NPAS3: variants seen among roughly 807,000 people sequenced by gnomAD.
NPAS3 encodes the protein neuronal PAS domain protein 3, also known as neuronal PAS domain-containing protein 3.
A neutral mutation model predicts 73.1 loss-of-function variants in NPAS3; 14 were observed. That is an observed-to-expected ratio of 0.19 (90% CI 0.13 to 0.30). The LOEUF (loss-of-function observed/expected upper bound fraction) is 0.30, where lower values mean the gene tolerates loss of function less well. Among genes scored for constraint, NPAS3 ranks in the 10% least tolerant of loss-of-function variants. The pLI is 1.00. For synonymous variants in NPAS3, 620 were observed against 541.5 expected (o/e 1.14, Z -2.01); for missense variants, 1,096 against 1,250.0 (o/e 0.88, Z 1.86).
At chr14:32,959,248 G>C (rs1471055218) in intron 1 of NPAS3, among the ~76,000 whole-genome samples, 3 of 152,082 alleles carry the variant, frequency 2.0e-5, no homozygotes, top group Non-Finnish European at 4.4e-5. Context: ...TGAAACCTTT[G>C]CTTTGCTTCT....
intron 6 of NPAS3, among the ~76,000 whole-genome samples, chr14:33,713,772 GTCA>G (rs976069594): frequency 6.6e-6 from 1 of 152,294 alleles, no homozygotes; most frequent in Non-Finnish European, 1.5e-5. Flanking sequence ...TGGGGCCTTT[GTCA>G]TCATATTTAG....
At chr14:33,009,424 G>A (rs1473868090) in intron 1 of NPAS3, among the ~76,000 whole-genome samples, 1 of 152,116 alleles carries the variant, frequency 6.6e-6, no homozygotes. Flanking sequence ...AAGATGGAAA[G>A]GCTGATTTCA....
intron 1 of NPAS3, among the ~76,000 whole-genome samples, chr14:32,952,889 A>T (rs1379535290): frequency 6.6e-6 from 1 of 152,018 alleles, no homozygotes; most frequent in Non-Finnish European, 1.5e-5. Context: ...CCTGGGCAAC[A>T]TGGTGAGACC....
chr14:33,667,478 T>A (rs2059485667), intron 5 of NPAS3, among the ~76,000 whole-genome samples: 1 of 152,216 alleles, frequency 6.6e-6, no homozygotes, highest in East Asian at 1.9e-4. Flanking sequence ...GAGCCATTTC[T>A]TTTGACCCAT....
chr14:33,481,621 A>G (rs190319961), intron 4 of NPAS3, among the ~76,000 whole-genome samples: 14 of 152,298 alleles, frequency 9.2e-5, no homozygotes, highest in Admixed American at 6.5e-5. Context: ...ATTTTACAAC[A>G]TTATGCAAGA....
At position 33,352,025 on chromosome 14, in the gene NPAS3, C is replaced by T. The variant is rs149358603; in HGVS notation, c.386-15161C>T. The stretch of plus-strand genomic sequence containing the variant: ...CAAACCTGCACGTTCTGCACATGTA[C>T]CCCAGAACTTAACGTGTTAAAAAAA... On this transcript the variant is annotated intron_variant, in intron 3 of 11. Transcript: ENST00000356141. Among the ~76,000 whole-genome samples the T allele has an allele frequency of 7.9e-5, 12 of 151,084 alleles. No individual in the cohort carries two copies. In the East Asian group the frequency reaches 2.3e-3, roughly 29 times the overall value.
chr14:33,578,303 C>T (rs1288240924), intron 5 of NPAS3: 4 of 447,046 alleles, frequency 8.9e-6, no homozygotes, highest in East Asian at 7.0e-5. Flanking sequence ...AAGTGATTCT[C>T]CTGCCTCAGC....
chr14:33,595,656 A>G (rs4981199), intron 5 of NPAS3, among the ~76,000 whole-genome samples: 2,088 of 152,244 alleles, frequency 0.014, 31 homozygotes, highest in Middle Eastern at 0.044. Context: ...CTTGATGCCT[A>G]AATATTTTAA....
At position 33,129,068 on chromosome 14, in the gene NPAS3, A is replaced by G. The variant is rs796217203; in HGVS notation, c.140+73074A>G. ...CCTGGAGAAAAGCCCCACAGCAGAA[A>G]CCAGGGGCCAAGATTTCCAGTCTCT... On this transcript the variant is annotated intron_variant, in intron 2 of 11. Coordinates refer to ENST00000356141, the Ensembl canonical transcript of NPAS3. Among the ~76,000 whole-genome samples the G allele has an allele frequency of 1.8e-4, 27 of 152,068 alleles. 1 individual carries two copies. Among genetic ancestry groups the G allele is most frequent in the African/African-American group, 6.5e-4 (27 of 41,516 alleles).
intron 2 of NPAS3, among the ~76,000 whole-genome samples, chr14:33,138,274 A>C (rs1208332524): frequency 7.4e-6 from 1 of 134,244 alleles, no homozygotes; most frequent in Admixed American, 9.0e-5. Context: ...TCTTGATGGG[A>C]GTTTGTAATA....
chr14:33,468,128 G>A (rs2050617645), intron 4 of NPAS3, among the ~76,000 whole-genome samples: 1 of 152,172 alleles, frequency 6.6e-6, no homozygotes, highest in African/African-American at 2.4e-5. Context: ...ATTGTAAGCA[G>A]TTGAATGGTG....
chr14:33,080,129 C>T (rs537833963), intron 2 of NPAS3, among the ~76,000 whole-genome samples: 93 of 151,840 alleles, frequency 6.1e-4, no homozygotes, highest in African/African-American at 2.0e-3. Context: ...TTTTTTGGGA[C>T]GGAGTCTCAC....
intron 6 of NPAS3, among the ~76,000 whole-genome samples, chr14:33,726,120 C>G (rs1952161): frequency 0.4 from 61,009 of 151,890 alleles, 13,372 homozygotes; most frequent in East Asian, 0.75. Context: ...AGTAAACATA[C>G]TCAAGTCTCT....
At chr14:33,565,881 A>G (rs917721747) in intron 5 of NPAS3, among the ~76,000 whole-genome samples, 13 of 151,944 alleles carry the variant, frequency 8.6e-5, no homozygotes, top group African/African-American at 2.7e-4. Flanking sequence ...TCAAGTAGAC[A>G]TACCTTAATT....
At position 33,235,661 on chromosome 14, in the gene NPAS3, A is replaced by G. The variant is rs202206744; in HGVS notation, c.385+20235A>G. Among the ~76,000 whole-genome samples, 6 of 152,092 alleles carry G rather than the reference A, an allele frequency of 3.9e-5. No individual in the cohort carries two copies. In the East Asian group the frequency reaches 1.2e-3, roughly 29 times the overall value. On this transcript the variant is annotated intron_variant, in intron 3 of 11. Transcript: ENST00000356141. ...ATATTTGAACTGAAATATTTAGTCC[A>G]AATCTACTGTCATTCTGTTCAGGAG...
chr14:33,224,829 AT>A (rs1397378128), intron 3 of NPAS3, among the ~76,000 whole-genome samples: 1 of 152,182 alleles, frequency 6.6e-6, no homozygotes, highest in African/African-American at 2.4e-5. Context: ...TATGAAAAGA[AT>A]AATTCTATGA....
chr14:33,617,720 C>G (rs938058558), intron 5 of NPAS3, among the ~76,000 whole-genome samples: 1 of 152,094 alleles, frequency 6.6e-6, no homozygotes, highest in African/African-American at 2.4e-5. Flanking sequence ...TAAATCACAG[C>G]GATCAAGGGC....
intron 2 of NPAS3, among the ~76,000 whole-genome samples, chr14:33,087,853 T>C (rs952522829): frequency 6.6e-6 from 1 of 152,190 alleles, no homozygotes; most frequent in African/African-American, 2.4e-5. Context: ...ACATCCTCAG[T>C]GTACTCACAA....
chr14:33,032,046 A>G (rs1221118574), intron 1 of NPAS3, among the ~76,000 whole-genome samples: 1 of 152,202 alleles, frequency 6.6e-6, no homozygotes, highest in Admixed American at 6.5e-5. Context: ...GACTGTCGGC[A>G]CCCTTTGAAG....
Sources: gnomAD v4.1 joint callset for allele counts (sites outside exome capture counted in the v4.1 genomes callset) on GRCh38, gnomAD v4.1.1 for gene constraint, MANE v1.5 for transcripts, NCBI Gene and HGNC (gene_info 2026-07-23, HGNC 2026-07-21) for gene names.